The following MACROD2 variants were observed in gnomAD, a reference collection of about 807,000 sequenced individuals.
MACROD2 encodes mono-ADP ribosylhydrolase 2, also known as ADP-ribose glycohydrolase MACROD2.
Under a neutral mutation model 70.4 loss-of-function variants are expected in MACROD2, and 36 were observed. The ratio of observed to expected loss-of-function variants is 0.51; its 90% CI spans 0.39 to 0.68. MACROD2 has a LOEUF of 0.68. MACROD2 is among the 30% of genes least tolerant of loss of function. The pLI, the probability that MACROD2 is intolerant of heterozygous loss-of-function variation, is 0.00. For synonymous variants in MACROD2, 172 were observed against 178.8 expected, an observed-to-expected ratio of 0.96 and a Z score of 0.30; for missense variants, 496 against 538.4, an observed-to-expected ratio of 0.92 and a Z score of 0.78.
At chr20:14,857,142 A>G (rs935712673) in intron 5 of MACROD2, among the ~76,000 whole-genome samples, 2 of 152,014 alleles carry the variant, frequency 1.3e-5, no homozygotes, top group African/African-American at 4.8e-5. Context: ...AATCCCATAA[A>G]CCGTTATCCC....
At chr20:16,041,844 G>C (rs981516884) in intron 16 of MACROD2, among the ~76,000 whole-genome samples, 11 of 151,952 alleles carry the variant, frequency 7.2e-5, no homozygotes, top group Admixed American at 3.3e-4. Context: ...TGAGCCTCAG[G>C]AATATTAATA....
At chr20:14,909,328 A>G (rs1192955877) in intron 5 of MACROD2, among the ~76,000 whole-genome samples, 3 of 152,076 alleles carry the variant, frequency 2.0e-5, no homozygotes. Flanking sequence ...AAGAATGGAG[A>G]AGACGGTAAA....
At chr20:16,034,714 G>A (rs1355120579) in intron 15 of MACROD2, among the ~76,000 whole-genome samples, 3 of 151,758 alleles carry the variant, frequency 2.0e-5, no homozygotes, top group Non-Finnish European at 4.4e-5. Context: ...TTGGTTACAT[G>A]AGTAAGTTCT....
intron 6 of MACROD2, among the ~76,000 whole-genome samples, chr20:15,244,628 G>T (rs747023448): frequency 3.9e-5 from 6 of 152,148 alleles, no homozygotes; most frequent in Non-Finnish European, 5.9e-5. Flanking sequence ...GTATGGTTTG[G>T]CCAAAAGGCA....
intron 5 of MACROD2, among the ~76,000 whole-genome samples, chr20:14,809,283 C>G (rs1206930321): frequency 6.6e-6 from 1 of 152,152 alleles, no homozygotes; most frequent in Non-Finnish European, 1.5e-5. Flanking sequence ...AAGAAACTCA[C>G]TCAAAACCAC....
intron 5 of MACROD2, among the ~76,000 whole-genome samples, chr20:14,765,505 A>G (rs2072075164): frequency 6.6e-6 from 1 of 152,038 alleles, no homozygotes; most frequent in African/African-American, 2.4e-5. Context: ...ACATGTTGCC[A>G]CCCATAGGTA....
chr20:15,745,245 C>T (rs1299120408), intron 8 of MACROD2, among the ~76,000 whole-genome samples: 1 of 152,134 alleles, frequency 6.6e-6, no homozygotes, highest in African/African-American at 2.4e-5. Context: ...TTATATCGGA[C>T]ACATACACAG....
intron 4 of MACROD2, among the ~76,000 whole-genome samples, chr20:14,625,292 A>C (rs754337021): frequency 1.3e-5 from 2 of 151,956 alleles, no homozygotes; most frequent in Non-Finnish European, 2.9e-5. Flanking sequence ...GTGCCATTTA[A>C]CTCTAGCCTG....
chr20:15,451,696 T>TGAG (rs2046645943), intron 7 of MACROD2, among the ~76,000 whole-genome samples: 1 of 151,942 alleles, frequency 6.6e-6, no homozygotes, highest in Non-Finnish European at 1.5e-5. Flanking sequence ...GAAAGAAAAA[T>TGAG]GAGGCCTCAC....
intron 3 of MACROD2, among the ~76,000 whole-genome samples, chr20:14,484,098 A>G (rs2084693202): frequency 6.6e-6 from 1 of 151,392 alleles, no homozygotes; most frequent in African/African-American, 2.4e-5. Flanking sequence ...GATTCAGATT[A>G]TTTACAAACA....
chr20:15,876,211 C>T (rs1047242537), intron 9 of MACROD2, among the ~76,000 whole-genome samples: 1 of 151,078 alleles, frequency 6.6e-6, no homozygotes, highest in Non-Finnish European at 1.5e-5. Context: ...GTGTGCTGCA[C>T]CCATTAACTC....
At chr20:15,656,245 G>A (rs888390898) in intron 8 of MACROD2, among the ~76,000 whole-genome samples, 1 of 152,180 alleles carries the variant, frequency 6.6e-6, no homozygotes, top group African/African-American at 2.4e-5. Context: ...TTCTCCTTTT[G>A]ATAACAGGGC....
intron 3 of MACROD2, among the ~76,000 whole-genome samples, chr20:14,121,565 C>G (rs1026313521): frequency 2.0e-5 from 3 of 152,076 alleles, no homozygotes; most frequent in African/African-American, 7.2e-5. Flanking sequence ...ATTCAGTGAC[C>G]CTTCTATCTT....
intron 3 of MACROD2, among the ~76,000 whole-genome samples, chr20:14,142,805 A>C (rs1182704185): frequency 6.6e-6 from 1 of 152,190 alleles, no homozygotes; most frequent in African/African-American, 2.4e-5. Context: ...CTATAGCCAA[A>C]TACTCCGTCA....
At chr20:14,390,932 C>T (rs947564736) in intron 3 of MACROD2, among the ~76,000 whole-genome samples, 4 of 152,180 alleles carry the variant, frequency 2.6e-5, no homozygotes, top group East Asian at 1.9e-4. Flanking sequence ...GATACCATCT[C>T]ACACCAGTCA....
At chr20:15,247,269 T>G (rs1051107511) in intron 6 of MACROD2, among the ~76,000 whole-genome samples, 2 of 152,152 alleles carry the variant, frequency 1.3e-5, no homozygotes, top group Non-Finnish European at 2.9e-5. Context: ...GAAATAGAAG[T>G]GGAAAGTTCT....
chr20:15,051,132 A>C (rs2075436618), intron 5 of MACROD2, among the ~76,000 whole-genome samples: 1 of 152,142 alleles, frequency 6.6e-6, no homozygotes, highest in Non-Finnish European at 1.5e-5. Context: ...TGATTTAACT[A>C]ATGTAAGTAT....
chr20:15,534,810 C>A (rs1482691753), intron 8 of MACROD2, among the ~76,000 whole-genome samples: 2 of 152,158 alleles, frequency 1.3e-5, no homozygotes, highest in African/African-American at 4.8e-5. Flanking sequence ...AGTGTCATTG[C>A]TAACTGCTTA....
At chr20:14,320,565 A>G (rs551124781) in intron 3 of MACROD2, among the ~76,000 whole-genome samples, 1 of 151,788 alleles carries the variant, frequency 6.6e-6, no homozygotes, top group East Asian at 1.9e-4. Flanking sequence ...TTCCAGTCTT[A>G]CCTCCTTCAT....
Sources: gnomAD v4.1 joint callset for allele counts (sites outside exome capture counted in the v4.1 genomes callset) on GRCh38, gnomAD v4.1.1 for gene constraint, MANE v1.5 for transcripts, NCBI Gene and HGNC (gene_info 2026-07-23, HGNC 2026-07-21) for gene names.